The following HEBP1 variants were observed in gnomAD, a reference collection of about 807,000 sequenced individuals.
The protein encoded by HEBP1 is heme-binding protein 1.
In HEBP1, 13 loss-of-function variants were observed where a neutral mutation model predicts 20.4. That is an observed-to-expected ratio of 0.64 (90% CI 0.42 to 1.01). The LOEUF (loss-of-function observed/expected upper bound fraction) is 1.01, where lower values mean the gene tolerates loss of function less well. HEBP1 is among the 50% of genes least tolerant of loss of function. The pLI is 0.00. For missense variants in HEBP1, 241 were observed against 247.3 expected (o/e 0.97, Z 0.17); for synonymous variants, 92 against 90.7 (o/e 1.01, Z -0.08).
At position 12,975,084 on chromosome 12, in the gene HEBP1, T is replaced by C. The variant is rs1863959219; in HGVS notation, c.*224A>G. Reference sequence around the variant, plus strand: ...TCTATCGCAGAATTTTCTACATCAATGAGAAGGATGCTGCATATCTTGGCT... The same window carrying C: ...TCTATCGCAGAATTTTCTACATCAACGAGAAGGATGCTGCATATCTTGGCT... On this transcript the variant is annotated 3_prime_UTR_variant, in exon 4 of 4. Coordinates refer to ENST00000014930, the MANE Select transcript of HEBP1 (RefSeq NM_015987.5). 2.5e-6 allele frequency: 1 copy of C among 398,372 alleles called. No individual in the cohort carries two copies. The highest frequency in any genetic ancestry group is 4.4e-5 in the Admixed American group (1 of 22,896). 24.7% of individuals were successfully genotyped at this position (398,372 alleles called of 1,614,324 possible).
At chr12:12,989,493 C>T in intron 1 of HEBP1, 78 bp from the exon 2 acceptor site, 2 of 1,475,598 alleles carry the variant, frequency 1.4e-6, no homozygotes, top group Non-Finnish European at 1.9e-6. Context: ...TAACAGAGGG[C>T]TAAAAAACTT....
At position 12,975,077 on chromosome 12, in the gene HEBP1, A is replaced by G. The variant is rs562298053; in HGVS notation, c.*231T>C. On this transcript the variant is annotated 3_prime_UTR_variant, in exon 4 of 4. Transcript: ENST00000014930. ...TTTCTGGTCTATCGCAGAATTTTCT[A>G]CATCAATGAGAAGGATGCTGCATAT... 12 of 382,216 alleles carry G rather than the reference A, an allele frequency of 3.1e-5. 1 individual carries two copies. In the South Asian group the frequency reaches 5.8e-4, roughly 18 times the overall value. 23.7% of individuals were successfully genotyped at this position (382,216 alleles called of 1,614,324 possible).
chr12:12,981,379 G>A (rs1864079932), intron 3 of HEBP1, among the ~76,000 whole-genome samples: 1 of 152,070 alleles, frequency 6.6e-6, no homozygotes. Flanking sequence ...GTGTTGACCC[G>A]GGCATCATCT....
rs1864148007 is a variant in HEBP1, at chr12:12,986,045, A to C, written c.398+1107T>G. On this transcript the variant is annotated intron_variant, in intron 3 of 3. Coordinates refer to ENST00000014930, the MANE Select transcript of HEBP1 (RefSeq NM_015987.5). This position sits in a 1 kb window ranked among gnomAD's most constrained non-coding sequence, Gnocchi z 4.3. ...GAGTGAGTGCTTCCTTAAATGCTGC[A>C]CCCAAGGTGCATCTCCACCCTAGGA... 6.6e-6 allele frequency: 1 copy of C among 152,166 alleles called. No individual in the cohort carries two copies. Among genetic ancestry groups the C allele is most frequent in the African/African-American group, 2.4e-5 (1 of 41,434 alleles). 9.4% of individuals were successfully genotyped at this position (152,166 alleles called of 1,614,324 possible).
intron 2 of HEBP1, among the ~76,000 whole-genome samples, chr12:12,988,427 T>A (rs978012245): frequency 1.3e-5 from 2 of 152,168 alleles, no homozygotes; most frequent in East Asian, 3.9e-4. Context: ...ATTTTTTTTT[T>A]AAAGCAAGTT....
intron 1 of HEBP1, among the ~76,000 whole-genome samples, chr12:12,995,912 T>C (rs897608422): frequency 2.6e-5 from 4 of 152,242 alleles, no homozygotes; most frequent in Non-Finnish European, 5.9e-5. Flanking sequence ...AGTGGGAACC[T>C]TGGTCAAGTT....
intron 2 of HEBP1, among the ~76,000 whole-genome samples, chr12:12,988,134 G>A (rs1864176096): frequency 6.6e-6 from 1 of 152,012 alleles, no homozygotes; most frequent in Non-Finnish European, 1.5e-5. Context: ...AAATAATTAT[G>A]AAATAATAAC....
At chr12:12,994,401 C>T (rs1006975489) in intron 1 of HEBP1, among the ~76,000 whole-genome samples, 1 of 152,216 alleles carries the variant, frequency 6.6e-6, no homozygotes, top group Admixed American at 6.5e-5. Context: ...ATTAGTTCAA[C>T]TGACATTTGT....
intron 1 of HEBP1, among the ~76,000 whole-genome samples, chr12:12,989,754 T>C (rs558375895): frequency 1.0e-5 from 1 of 96,472 alleles, no homozygotes; most frequent in Non-Finnish European, 2.5e-5. Flanking sequence ...AGTAAACAGG[T>C]TGGAAGATAA....
At chr12:12,994,284 G>A (rs971316467) in intron 1 of HEBP1, among the ~76,000 whole-genome samples, 2 of 152,184 alleles carry the variant, frequency 1.3e-5, no homozygotes, top group Non-Finnish European at 2.9e-5. Flanking sequence ...AGGTGTTCTG[G>A]CAGGGGCCAG....
At chr12:12,991,161 C>T (rs549758061) in intron 1 of HEBP1, among the ~76,000 whole-genome samples, 2 of 152,360 alleles carry the variant, frequency 1.3e-5, no homozygotes, top group South Asian at 2.1e-4. Flanking sequence ...TAAATTGGTT[C>T]TATCTAGGCA....
At position 13,000,240 on chromosome 12, in the gene HEBP1, G is replaced by A. The variant is rs1864339578; in HGVS notation, c.-126C>T. 2.7e-6 allele frequency: 1 copy of A among 371,584 alleles called. No individual in the cohort carries two copies. The highest frequency in any genetic ancestry group is 4.8e-6 in the Non-Finnish European group (1 of 209,630). 23.0% of individuals were successfully genotyped at this position (371,584 alleles called of 1,614,324 possible). A position where few individuals can be genotyped will look rare whatever the true frequency, so the allele number is the denominator to read the frequency against. ...AGGGCGGCAGGGCGGCAGGGTGGCA[G>A]GGCGGCAAGGCGGCGGGACGGCGAG... On this transcript the variant is annotated 5_prime_UTR_variant, in exon 1 of 4. Coordinates refer to ENST00000014930, the MANE Select transcript of HEBP1 (RefSeq NM_015987.5).
At chr12:12,999,903 C>T in intron 1 of HEBP1, 134 bp downstream of exon 1, 1 of 519,802 alleles carries the variant, frequency 1.9e-6, no homozygotes, top group Non-Finnish European at 3.5e-6. Context: ...GAGCCGCACT[C>T]GCGACAGACA....
At chr12:12,985,201 A>T (rs1298516874) in intron 3 of HEBP1, among the ~76,000 whole-genome samples, 3 of 152,142 alleles carry the variant, frequency 2.0e-5, no homozygotes, top group African/African-American at 7.2e-5. Context: ...TTATATTATA[A>T]ATTAATGAAG....
intron 2 of HEBP1, among the ~76,000 whole-genome samples, chr12:12,988,506 A>C (rs1864179686): frequency 6.6e-6 from 1 of 152,204 alleles, no homozygotes; most frequent in Non-Finnish European, 1.5e-5. Flanking sequence ...AAATGTTACT[A>C]AGGCTAACAC....
chr12:12,984,449 C>A (rs896766153), intron 3 of HEBP1: 1 of 152,262 alleles, frequency 6.6e-6, no homozygotes, highest in African/African-American at 2.4e-5. Context: ...TGAATCTGAT[C>A]TAGTCTTTAG....
intron 3 of HEBP1, chr12:12,983,918 C>G (rs1400325170): frequency 5.4e-6 from 2 of 371,774 alleles, no homozygotes; most frequent in Admixed American, 3.3e-5. Context: ...AGGGAGCCAT[C>G]AACGACTACT....
chr12:12,975,562 A>G (rs1863969801), intron 3 of HEBP1, 83 bp from the exon 4 acceptor site: 2 of 1,201,148 alleles, frequency 1.7e-6, no homozygotes, highest in Non-Finnish European at 2.3e-6. Flanking sequence ...GTCACTCACC[A>G]TGTTTATTAT....
In HEBP1 at chr12:12,975,214, G is replaced by A. The variant is rs2136533029; in HGVS notation, c.*94C>T. On this transcript the variant is annotated 3_prime_UTR_variant, in exon 4 of 4. Coordinates refer to ENST00000014930, the MANE Select transcript of HEBP1 (RefSeq NM_015987.5). Reference sequence around the variant, plus strand: ...AAGGAAAGTTGGTTAAGTTGGACTTGCAGCTGGAACTTGGGAAGCACTGTC... The same window carrying A: ...AAGGAAAGTTGGTTAAGTTGGACTTACAGCTGGAACTTGGGAAGCACTGTC... The A allele has an allele frequency of 8.2e-7, 1 of 1,222,524 alleles. No individual in the cohort carries two copies. The highest frequency in any genetic ancestry group is 2.5e-5 in the East Asian group (1 of 40,784). The allele number at this position is 1,222,524 out of a possible 1,614,324, so 75.7% of individuals were successfully genotyped here.
Sources: gnomAD v4.1 joint callset for allele counts (sites outside exome capture counted in the v4.1 genomes callset) on GRCh38, gnomAD v4.1.1 for gene constraint, Gnocchi (gnomAD v3.1) non-coding constraint, MANE v1.5 for transcripts, NCBI Gene and HGNC (gene_info 2026-07-23, HGNC 2026-07-21) for gene names.